The following CNTNAP2 variants were observed in gnomAD, a reference collection of about 807,000 sequenced individuals.
The protein encoded by CNTNAP2 is contactin-associated protein-like 2.
A neutral mutation model predicts 155.2 loss-of-function variants in CNTNAP2; 98 were observed. The ratio of observed to expected loss-of-function variants is 0.63; its 90% confidence interval spans 0.54 to 0.75. The LOEUF is 0.75. Among genes scored for constraint, CNTNAP2 ranks in the 30% least tolerant of loss-of-function variants. The pLI is 0.00. For missense variants in CNTNAP2, 1,727 were observed against 1,688.1 expected (o/e 1.02, Z -0.40); for synonymous variants, 651 against 631.2 (o/e 1.03, Z -0.47).
intron 13 of CNTNAP2, among the ~76,000 whole-genome samples, chr7:147,888,038 C>T (rs957567852): frequency 2.0e-5 from 3 of 152,156 alleles, no homozygotes; most frequent in Non-Finnish European, 4.4e-5. Context: ...ATACCTTCTA[C>T]TGAACCTCAC....
chr7:146,303,392 G>GTTT (rs11394452), intron 1 of CNTNAP2, among the ~76,000 whole-genome samples: 1 of 150,118 alleles, frequency 6.7e-6, no homozygotes, highest in East Asian at 2.0e-4. Context: ...CAAAACAGAA[G>GTTT]TTTTTTTTTT....
intron 4 of CNTNAP2, among the ~76,000 whole-genome samples, chr7:147,088,334 A>G (rs1319072485): frequency 6.6e-6 from 1 of 152,228 alleles, no homozygotes; most frequent in African/African-American, 2.4e-5. Flanking sequence ...TTTCTGTGGT[A>G]GCTGTCAAAT....
Position 147,276,263 on chromosome 7 carries a change from AGCTC to A in CNTNAP2, c.1349-23877_1349-23874del, listed in dbSNP as rs1483845818. 8.9e-3 allele frequency among the ~76,000 whole-genome samples: 1,356 copies of A among 151,914 alleles called. 18 individuals are homozygous for A. Among genetic ancestry groups the A allele is most frequent in the African/African-American group, 0.031 (1,266 of 41,434 alleles). On this transcript the variant is annotated intron_variant, in intron 8 of 23. Transcript: ENST00000361727. ...GAATAGTTTCAATAGGATCGATACC[AGCTC>A]ATCTTCATTCATCTGGTAAAATTCA... is the stretch of plus-strand genomic sequence containing the variant.
At chr7:146,903,768 C>G (rs1441670934) in intron 3 of CNTNAP2, among the ~76,000 whole-genome samples, 1 of 152,078 alleles carries the variant, frequency 6.6e-6, no homozygotes, top group Non-Finnish European at 1.5e-5. Context: ...AAAGATTCAG[C>G]TAGACTGGGG....
chr7:146,513,002 A>G lies in CNTNAP2; in HGVS notation c.98-261269A>G, dbSNP rs1438367090. The stretch of plus-strand genomic sequence containing the variant: ...TTACCTATATATTTACAATTGTTAT[A>G]TCCTCTTGCTGAATTGACCCTTTTA... On this transcript the variant is annotated intron_variant, in intron 1 of 23. Transcript: ENST00000361727. Among the ~76,000 whole-genome samples the G allele has an allele frequency of 3.9e-5, 6 of 151,996 alleles. No homozygotes were observed. In the South Asian group the frequency reaches 6.2e-4, roughly 16 times the overall value.
intron 3 of CNTNAP2, among the ~76,000 whole-genome samples, chr7:146,996,760 G>T (rs1798315995): frequency 6.6e-6 from 1 of 151,998 alleles, no homozygotes; most frequent in Admixed American, 6.6e-5. Context: ...TAGAAGCGGT[G>T]AAAGCAGATG....
At chr7:146,541,217 A>T (rs184064843) in intron 1 of CNTNAP2, among the ~76,000 whole-genome samples, 92 of 152,100 alleles carry the variant, frequency 6.0e-4, no homozygotes, top group African/African-American at 2.1e-3. Flanking sequence ...TTGCCATGTC[A>T]AGGGTTTTGG....
intron 13 of CNTNAP2, among the ~76,000 whole-genome samples, chr7:147,799,469 A>G (rs984889826): frequency 3.9e-5 from 6 of 152,176 alleles, no homozygotes; most frequent in Non-Finnish European, 7.3e-5. Flanking sequence ...TGTGTCTCCA[A>G]TGTGATATGG....
chr7:147,670,324 G>A (rs991471406), intron 13 of CNTNAP2, among the ~76,000 whole-genome samples: 34 of 152,276 alleles, frequency 2.2e-4, no homozygotes, highest in Middle Eastern at 3.4e-3. Flanking sequence ...TGCCCTGGAC[G>A]TTCTCCTTCT....
At chr7:146,861,877 C>A (rs139927049) in intron 3 of CNTNAP2, among the ~76,000 whole-genome samples, 247 of 152,252 alleles carry the variant, frequency 1.6e-3, no homozygotes, top group African/African-American at 5.4e-3. Flanking sequence ...GAGATGTATA[C>A]TGATAATGCT....
chr7:148,114,818 T>G (rs776331572), intron 15 of CNTNAP2, among the ~76,000 whole-genome samples: 4 of 152,198 alleles, frequency 2.6e-5, no homozygotes, highest in African/African-American at 7.2e-5. Context: ...AAATCGATAT[T>G]AAAGGATAAC....
At chr7:146,597,015 C>A (rs1471151324) in intron 1 of CNTNAP2, among the ~76,000 whole-genome samples, 1 of 151,924 alleles carries the variant, frequency 6.6e-6, no homozygotes, top group Non-Finnish European at 1.5e-5. Context: ...ACATTACCAT[C>A]CAAGATACTT....
At position 147,407,932 on chromosome 7, in the gene CNTNAP2, T is replaced by C. The variant is rs529304480; in HGVS notation, c.1670+12152T>C. Among the ~76,000 whole-genome samples, 9 of 152,344 alleles carry C rather than the reference T, an allele frequency of 5.9e-5. No individual in the cohort carries two copies. The South Asian group carries it at 1.7e-3, about 28-fold the overall frequency. ...AGAAGTGTGGAGGCACAGATAACCA[T>C]GTCCCATTTCTGAAACAGTCAAGAG... On this transcript the variant is annotated intron_variant, in intron 10 of 23. Transcript: ENST00000361727.
intron 13 of CNTNAP2, among the ~76,000 whole-genome samples, chr7:147,898,904 G>A (rs1799816091): frequency 6.6e-6 from 1 of 152,106 alleles, no homozygotes; most frequent in Non-Finnish European, 1.5e-5. Context: ...TTCTGGCAAG[G>A]AACCTCTGTT....
At chr7:147,205,376 A>AT (rs1272449177) in intron 8 of CNTNAP2, among the ~76,000 whole-genome samples, 1 of 151,818 alleles carries the variant, frequency 6.6e-6, no homozygotes, top group Non-Finnish European at 1.5e-5. Context: ...CTTTAAGATT[A>AT]TTTTTTCTAT....
intron 15 of CNTNAP2, among the ~76,000 whole-genome samples, chr7:148,105,806 T>G (rs1382682328): frequency 6.6e-6 from 1 of 152,104 alleles, no homozygotes; most frequent in Non-Finnish European, 1.5e-5. Flanking sequence ...AGGCTCGTCT[T>G]GAACTCCTGA....
intron 1 of CNTNAP2, among the ~76,000 whole-genome samples, chr7:146,118,887 C>A (rs1797524144): frequency 6.6e-6 from 1 of 151,962 alleles, no homozygotes; most frequent in Non-Finnish European, 1.5e-5. Context: ...ATTAAGGTGG[C>A]TTTTTATTTC....
chr7:148,312,917 G>C (rs1797619672), intron 21 of CNTNAP2, among the ~76,000 whole-genome samples: 1 of 151,374 alleles, frequency 6.6e-6, no homozygotes, highest in Non-Finnish European at 1.5e-5. Flanking sequence ...GATACAAGTG[G>C]GGGGGATGTG....
At chr7:146,759,731 G>GA in intron 1 of CNTNAP2, among the ~76,000 whole-genome samples, 1 of 147,772 alleles carries the variant, frequency 6.8e-6, no homozygotes, top group African/African-American at 2.5e-5. Flanking sequence ...GGTGGGGTGG[G>GA]GTGTGAGAGC....
Sources: allele counts gnomAD v4.1 joint callset (sites outside exome capture counted in the v4.1 genomes callset), GRCh38; gene constraint gnomAD v4.1.1; transcripts MANE v1.5; gene names NCBI Gene and HGNC (gene_info 2026-07-23, HGNC 2026-07-21).